LPL: variants seen among roughly 807,000 people sequenced by gnomAD.
LPL encodes the protein lipoprotein lipase.
In LPL, 43 loss-of-function variants were observed where a neutral mutation model predicts 52.2. The observed-to-expected ratio is 0.82, with a 90% CI of 0.64 to 1.06. The LOEUF (loss-of-function observed/expected upper bound fraction) is 1.06, where lower values mean the gene tolerates loss of function less well. Ranked by LOEUF, LPL falls within the 50% of genes least tolerant of loss-of-function variation. The pLI is 0.00. For synonymous variants in LPL, 244 were observed against 215.6 expected, an observed-to-expected ratio of 1.13 and a Z score of -1.15; for missense variants, 639 against 585.3, an observed-to-expected ratio of 1.09 and a Z score of -0.95.
intron 1 of LPL, among the ~76,000 whole-genome samples, chr8:19,941,853 A>T (rs536152808): frequency 2.4e-4 from 36 of 152,348 alleles, no homozygotes; most frequent in African/African-American, 8.2e-4. Flanking sequence ...TATGAGGACA[A>T]GAGGCACTGT....
intron 6 of LPL, among the ~76,000 whole-genome samples, chr8:19,957,533 C>T (rs1227215172): frequency 6.6e-6 from 1 of 152,172 alleles, no homozygotes; most frequent in African/African-American, 2.4e-5. Context: ...CTTCACTCAT[C>T]CCTGCCTCCT....
In LPL at chr8:19,939,723, G is replaced by T. The variant is rs564280150; in HGVS notation, c.88+195G>T. ...GCCGGGAGGGAATCTCCTCCCGATC[G>T]TGAAGCGGCGGCGCCCAGTTCCCGC... On this transcript the variant is annotated intron_variant, in intron 1 of 9. Transcript: ENST00000650287. The surrounding 1 kb of genome is among the most constrained non-coding windows in gnomAD (Gnocchi z 4.0). Among the ~76,000 whole-genome samples the T allele has an allele frequency of 6.6e-6, 1 of 152,332 alleles. No individual in the cohort carries two copies. The highest frequency in any genetic ancestry group is 2.4e-5 in the African/African-American group (1 of 41,590).
Position 19,939,527 on chromosome 8 carries a change from C to T in LPL, c.87C>T (p.Asp29=). ...CCCGCGGAGGGGTGGCCGCCGCCGA[C>T]CGTAAGTTTTGCGCGCAAACTCCCC... ...TASRGGVAAA[D]QRRDFIDIES... The change falls in exon 1 of 10, where the codon GAC becomes GAT. Residue 29 remains aspartate (D), a splice_region_variant and synonymous_variant. Coordinates refer to ENST00000650287, the MANE Select transcript of LPL (RefSeq NM_000237.3). The surrounding 1 kb of genome is among the most constrained non-coding windows in gnomAD (Gnocchi z 4.0). The T allele has an allele frequency of 6.2e-7, 1 of 1,607,186 alleles. No homozygotes were observed. The highest frequency in any genetic ancestry group is 8.5e-7 in the Non-Finnish European group (1 of 1,177,658).
chr8:19,959,359 G>A lies in LPL; in HGVS notation c.1118G>A (p.Ser373Asn). Reference sequence around the variant, plus strand: ...TCTCTGTATGGCACCGTGGCCGAGAGTGAGAACATCCCATTCACTCTGTGA... The same window carrying A: ...TCTCTGTATGGCACCGTGGCCGAGAATGAGAACATCCCATTCACTCTGTGA... ...EISLYGTVAE[S>N]ENIPFTLPEV... The change falls in exon 7 of 10, where the codon AGT becomes AAT. Residue 373 changes from serine to asparagine, a missense_variant. Ser to Asn is a conservative substitution (Grantham distance 46). Coordinates refer to ENST00000650287, the MANE Select transcript of LPL (RefSeq NM_000237.3). 6.2e-7 allele frequency: 1 copy of A among 1,614,124 alleles called. No individual in the cohort carries two copies. Among genetic ancestry groups the A allele is most frequent in the Non-Finnish European group, 8.5e-7 (1 of 1,180,012 alleles).
chr8:19,946,520 A>T, intron 1 of LPL: 1 of 255,094 alleles, frequency 3.9e-6, no homozygotes, highest in Non-Finnish European at 8.0e-6. Context: ...TCTTATTTTT[A>T]TTATTGGCCT....
chr8:19,940,849 G>C (rs1291083488), intron 1 of LPL, among the ~76,000 whole-genome samples: 1 of 152,158 alleles, frequency 6.6e-6, no homozygotes, highest in East Asian at 1.9e-4. Flanking sequence ...CCAGCACTTC[G>C]GGAGGCCGAG....
chr8:19,959,843 C>T (rs903915650), intron 7 of LPL, among the ~76,000 whole-genome samples: 5 of 119,628 alleles, frequency 4.2e-5, no homozygotes, highest in African/African-American at 1.7e-4. Flanking sequence ...GGCTGGAGTG[C>T]AGTGATTCGA....
At chr8:19,948,050 C>T (rs1022706447) in intron 1 of LPL, 130 bp from the exon 2 acceptor site, 6 of 905,492 alleles carry the variant, frequency 6.6e-6, no homozygotes, top group African/African-American at 5.0e-5. Flanking sequence ...AATCCACATT[C>T]GTTTTCGAAA....
Position 19,961,065 on chromosome 8 carries a change from C to T in LPL, c.1304C>T (p.Ala435Val). ...GFAIQKIRVK[A>V]GETQKKVIFC... is the part of the protein sequence containing the mutation. ...GCCATTCAGAAGATCAGAGTAAAAG[C>T]AGGAGAGACTCAGAAAAAGTAATTA... The change falls in exon 8 of 10, where the codon GCA (alanine) becomes GTA (valine). Residue 435 changes from alanine (A) to valine (V), a missense_variant. By Grantham distance (64) the Ala-to-Val change is moderately conservative. Coordinates refer to ENST00000650287, the MANE Select transcript of LPL (RefSeq NM_000237.3). 1 of 1,614,044 alleles carries T rather than the reference C, an allele frequency of 6.2e-7. No individual in the cohort carries two copies. The highest frequency in any genetic ancestry group is 8.5e-7 in the Non-Finnish European group (1 of 1,180,022).
chr8:19,952,005 G>A, intron 3 of LPL, 57 bp downstream of exon 3: 2 of 1,583,284 alleles, frequency 1.3e-6, no homozygotes, highest in Non-Finnish European at 1.7e-6. Context: ...ACTGGAGCCA[G>A]AAAACCGGCT....
intron 6 of LPL, 135 bp from the exon 7 acceptor site, chr8:19,959,125 C>A (rs1190518821): frequency 9.7e-7 from 1 of 1,026,690 alleles, no homozygotes; most frequent in Non-Finnish European, 1.5e-6. Context: ...CCAAGCCACA[C>A]CAGTGGTTCC....
intron 1 of LPL, 81 bp from the exon 2 acceptor site, chr8:19,948,099 T>G: frequency 6.9e-7 from 1 of 1,456,016 alleles, no homozygotes; most frequent in South Asian, 1.1e-5. Context: ...GGTGGTTGCC[T>G]GTGAACCTAA....
At chr8:19,942,284 A>T (rs1241369552) in intron 1 of LPL, among the ~76,000 whole-genome samples, 1 of 152,224 alleles carries the variant, frequency 6.6e-6, no homozygotes, top group South Asian at 2.1e-4. Flanking sequence ...TTTTGCAGCT[A>T]GTTTCTTCCG....
In LPL at chr8:19,955,586, ACATACT is replaced by A. The variant is rs574025999; in HGVS notation, c.776-250_776-245del. ...TTGGAGGCTTATTACAGCTTCATAA[ACATACT>A]CATAAATATAAGAAGCACAAAAGTC... On this transcript the variant is annotated intron_variant, in intron 5 of 9. Transcript: ENST00000650287. 2.0e-4 allele frequency among the ~76,000 whole-genome samples: 30 copies of A among 152,184 alleles called. 1 individual carries two copies. Among genetic ancestry groups the A allele is most frequent in the Admixed American group, 5.9e-4 (9 of 15,266 alleles).
rs1563579671 is a variant in LPL at position 19,959,284 on chromosome 8, A to G, written c.1043A>G (p.His348Arg). 6.2e-7 allele frequency: 1 copy of G among 1,614,006 alleles called. No individual in the cohort carries two copies. Among genetic ancestry groups the G allele is most frequent in the Non-Finnish European group, 8.5e-7 (1 of 1,179,982 alleles). Residue 348 changes from histidine (H) to arginine (R), a missense_variant, in exon 7 of 10, where the codon CAT becomes CGT. Coordinates refer to ENST00000650287, the MANE Select transcript of LPL (RefSeq NM_000237.3). ...GTCTTCCATTACCAAGTAAAGATTC[A>G]TTTTTCTGGGACTGAGAGTGAAACC... ...YKVFHYQVKI[H>R]FSGTESETHT...
chr8:19,951,816 G>T lies in LPL; in HGVS notation c.297G>T (p.Leu99=). 1 of 1,614,156 alleles carries T rather than the reference G, an allele frequency of 6.2e-7. No homozygotes were observed. Among genetic ancestry groups the T allele is most frequent in the Non-Finnish European group, 8.5e-7 (1 of 1,180,022 alleles). Residue 99 remains leucine (L), a synonymous_variant, in exon 3 of 10, where the codon CTG becomes CTT. Coordinates refer to ENST00000650287, the MANE Select transcript of LPL (RefSeq NM_000237.3). ...ESWVPKLVAA[L]YKREPDSNVI... is the part of the protein sequence containing the mutation. ...GGGTGCCAAAACTTGTGGCCGCCCT[G>T]TACAAGAGAGAACCAGACTCCAATG... is the stretch of plus-strand genomic sequence containing the variant.
At chr8:19,949,959 T>TG (rs745395533) in intron 2 of LPL, among the ~76,000 whole-genome samples, 1 of 149,992 alleles carries the variant, frequency 6.7e-6, no homozygotes, top group Non-Finnish European at 1.5e-5. Context: ...GGGAAAAAAA[T>TG]GGTTCTTTTT....
rs1287791521 is a variant in LPL, at chr8:19,965,772, G to A, written c.*462G>A. 6.4e-6 allele frequency: 1 copy of A among 156,616 alleles called. No homozygotes were observed. The highest frequency in any genetic ancestry group is 1.4e-5 in the Non-Finnish European group (1 of 71,156). 9.7% of individuals were successfully genotyped at this position (156,616 alleles called of 1,614,324 possible). Reference sequence around the variant, plus strand: ...AAATGCTTTTCCGCGGCACGAATCAGACTCATCTACACAGCAGTATGAATG... The same window carrying A: ...AAATGCTTTTCCGCGGCACGAATCAAACTCATCTACACAGCAGTATGAATG... On this transcript the variant is annotated 3_prime_UTR_variant, in exon 10 of 10. Transcript: ENST00000650287.
intron 1 of LPL, among the ~76,000 whole-genome samples, chr8:19,943,021 T>A (rs2069853592): frequency 6.6e-6 from 1 of 152,166 alleles, no homozygotes; most frequent in Non-Finnish European, 1.5e-5. Flanking sequence ...CGAAAACGTC[T>A]CCCACCATTA....
Sources: allele counts gnomAD v4.1 joint callset (sites outside exome capture counted in the v4.1 genomes callset), GRCh38; gene constraint gnomAD v4.1.1; non-coding constraint Gnocchi (gnomAD v3.1); transcripts MANE v1.5; gene names NCBI Gene and HGNC (gene_info 2026-07-23, HGNC 2026-07-21).